Variants in NFIC observed in about 807,000 individuals in gnomAD.
NFIC encodes the protein nuclear factor I C.
Under a neutral mutation model 54.4 loss-of-function variants are expected in NFIC, and 12 were observed. The ratio of observed to expected loss-of-function variants is 0.22; its 90% CI spans 0.14 to 0.36. The LOEUF (loss-of-function observed/expected upper bound fraction) is 0.36, where lower values mean the gene tolerates loss of function less well. NFIC is among the 10% of genes least tolerant of loss of function. The pLI is 1.00. For synonymous variants in NFIC, 322 were observed against 319.2 expected (o/e 1.01, Z -0.09); for missense variants, 575 against 718.2 (o/e 0.80, Z 2.28).
In NFIC at chr19:3,449,138, C is replaced by G; in HGVS notation, c.1083C>G (p.Ser361Arg). The change falls in exon 7 of 11, where the codon AGC becomes AGG. Residue 361 changes from serine (S) to arginine (R), a missense_variant and splice_region_variant. Physicochemically the swap from Ser to Arg is moderately radical, Grantham distance 110. Coordinates refer to ENST00000443272, the MANE Select transcript of NFIC (RefSeq NM_001245002.2). The part of the protein sequence containing the change: ...QHHRPVIAVH[S>R]GIARSPHPSS... The stretch of plus-strand genomic sequence containing the variant: ...ACCGGCCCGTCATCGCCGTGCACAG[C>G]GGTAAGCGCCACGGGCCCCTGGCGG... 1 of 1,611,336 alleles carries G rather than the reference C, an allele frequency of 6.2e-7. No homozygotes were observed. The highest frequency in any genetic ancestry group is 1.1e-5 in the South Asian group (1 of 90,834).
chr19:3,455,806 C>T (rs545407983), intron 9 of NFIC, among the ~76,000 whole-genome samples: 1 of 152,240 alleles, frequency 6.6e-6, no homozygotes, highest in East Asian at 1.9e-4. Context: ...CAGTGCCTGG[C>T]ATACAGTACA....
At chr19:3,432,365 C>G (rs1235318837) in intron 3 of NFIC, among the ~76,000 whole-genome samples, 1 of 152,110 alleles carries the variant, frequency 6.6e-6, no homozygotes, top group Non-Finnish European at 1.5e-5. Flanking sequence ...AAGCTCTGGT[C>G]TAGGCACGAA....
intron 3 of NFIC, among the ~76,000 whole-genome samples, chr19:3,427,813 C>CA (rs35768795): frequency 0.06 from 4,621 of 76,568 alleles, 132 homozygotes; most frequent in Non-Finnish European, 0.077. Context: ...GAGACTCTGT[C>CA]AAAAAAAAAA....
rs966902268 is a variant in NFIC, at chr19:3,370,868, C to T, written c.30+4202C>T. 2.6e-5 allele frequency among the ~76,000 whole-genome samples: 4 copies of T among 152,048 alleles called. No homozygotes were observed. The highest frequency in any genetic ancestry group is 1.9e-4 in the East Asian group (1 of 5,194). On this transcript the variant is annotated intron_variant, in intron 1 of 10. Coordinates refer to ENST00000443272, the MANE Select transcript of NFIC (RefSeq NM_001245002.2). The surrounding 1 kb of genome is among the most constrained non-coding windows in gnomAD (Gnocchi z 5.2). Reference sequence around the variant, plus strand: ...CCCACTCTCCTGCCTGTGTCCACGCCGACCTCACCTGGGTGCCCATCTGCC... The same window carrying T: ...CCCACTCTCCTGCCTGTGTCCACGCTGACCTCACCTGGGTGCCCATCTGCC...
intron 2 of NFIC, among the ~76,000 whole-genome samples, chr19:3,401,247 G>A (rs2081550199): frequency 6.6e-6 from 1 of 152,210 alleles, no homozygotes; most frequent in South Asian, 2.1e-4. Context: ...GCCATAGAGG[G>A]CTATGGGCAG....
chr19:3,371,888 C>CTTCCTTCCTTCCTTCT (rs879780153), intron 1 of NFIC, among the ~76,000 whole-genome samples: 2,161 of 70,600 alleles, frequency 0.031, 137 homozygotes, highest in Non-Finnish European at 0.052. Context: ...TCTCTCCTTC[C>CTTCCTTCCTTCCTTCT]TTCCTTCCTT....
At chr19:3,393,459 C>T (rs976713284) in intron 2 of NFIC, among the ~76,000 whole-genome samples, 4 of 152,058 alleles carry the variant, frequency 2.6e-5, no homozygotes, top group African/African-American at 9.7e-5. Flanking sequence ...CCACTGGGGC[C>T]CTGACCACAC....
At chr19:3,436,470 A>AT (rs1341495362) in intron 6 of NFIC, among the ~76,000 whole-genome samples, 11 of 139,638 alleles carry the variant, frequency 7.9e-5, no homozygotes, top group Non-Finnish European at 1.6e-4. Flanking sequence ...GGCCCCTCTT[A>AT]TTTTTTTTTA....
At chr19:3,402,961 A>T (rs889361224) in intron 2 of NFIC, among the ~76,000 whole-genome samples, 1 of 151,614 alleles carries the variant, frequency 6.6e-6, no homozygotes, top group East Asian at 1.9e-4. Flanking sequence ...CACTTTGACT[A>T]CTCCCCCAAA....
rs2082699994 is a variant in NFIC, at chr19:3,465,145, C to T, written c.*2376C>T. ...TCCTCGCCCCCTCCACCCCCCACTTCCTCTTTAAAAAAAAAAAAAAAAAAA... is the reference window on the plus strand; with the variant it reads ...TCCTCGCCCCCTCCACCCCCCACTTTCTCTTTAAAAAAAAAAAAAAAAAAA... On this transcript the variant is annotated 3_prime_UTR_variant, in exon 11 of 11. Coordinates refer to ENST00000443272, the MANE Select transcript of NFIC (RefSeq NM_001245002.2). 1 of 120,130 alleles carries T rather than the reference C, an allele frequency of 8.3e-6. No individual in the cohort carries two copies. Among genetic ancestry groups the T allele is most frequent in the African/African-American group, 3.6e-5 (1 of 27,564 alleles). The allele number at this position is 120,130 out of a possible 1,614,324, so 7.4% of individuals were successfully genotyped here.
intron 4 of NFIC, 130 bp from the exon 5 acceptor site, chr19:3,434,147 T>C: frequency 7.1e-7 from 1 of 1,400,414 alleles, no homozygotes; most frequent in Non-Finnish European, 9.5e-7. Context: ...TCAGCCACCC[T>C]AGGAACCGGG....
At chr19:3,405,556 C>G (rs374532115) in intron 2 of NFIC, among the ~76,000 whole-genome samples, 3 of 151,922 alleles carry the variant, frequency 2.0e-5, no homozygotes. Flanking sequence ...GATCAGGGTC[C>G]GTACTGGAAT....
intron 2 of NFIC, among the ~76,000 whole-genome samples, chr19:3,398,644 T>C (rs995576998): frequency 4.6e-5 from 7 of 152,132 alleles, no homozygotes; most frequent in Admixed American, 6.5e-5. Context: ...ACCCGGGCTG[T>C]ACCCTGTGAC....
chr19:3,388,835 C>CA lies in NFIC; in HGVS notation c.562+6592_562+6593insA, dbSNP rs550767522. Reference sequence around the variant, plus strand: ...AAGGCAAGACCTTATCTCTAAAAACCGTTTTTTTTAAGGGGTGATTGAGGC... The same window carrying CA: ...AAGGCAAGACCTTATCTCTAAAAACCAGTTTTTTTTAAGGGGTGATTGAGGC... On this transcript the variant is annotated intron_variant, in intron 2 of 10. Transcript: ENST00000443272. 9.1e-5 allele frequency among the ~76,000 whole-genome samples: 7 copies of CA among 77,192 alleles called. No homozygotes were observed. The South Asian group carries it at 3.1e-3, about 34-fold the overall frequency. 50.6% of individuals were successfully genotyped at this position (77,192 alleles called of 152,430 possible).
In NFIC at chr19:3,361,386, C is replaced by T. The variant is rs547285594; in HGVS notation, c.3+1701C>T. On this transcript the variant is annotated intron_variant, in intron 1 of 9. Transcript: ENST00000395111. ...CTATGCTGGGGAGAGCGTAGGGGCA[C>T]CGGGACTGGTCCCGCAGTCCCGCCT... Among the ~76,000 whole-genome samples the T allele has an allele frequency of 6.6e-5, 10 of 152,256 alleles. No homozygotes were observed. In the South Asian group the frequency reaches 1.9e-3, roughly 28 times the overall value.
intron 2 of NFIC, among the ~76,000 whole-genome samples, chr19:3,385,384 T>G (rs1203011835): frequency 1.3e-5 from 2 of 151,992 alleles, no homozygotes; most frequent in Non-Finnish European, 2.9e-5. Context: ...ACTGGTTGCC[T>G]TGTGGGAAAT....
At chr19:3,376,487 C>T (rs1167121049) in intron 1 of NFIC, among the ~76,000 whole-genome samples, 1 of 147,222 alleles carries the variant, frequency 6.8e-6, no homozygotes, top group African/African-American at 2.5e-5. Flanking sequence ...TATCCCAGTG[C>T]CTTAGGAGGC....
rs980474133 is a variant in NFIC, at chr19:3,453,685, G to A, written c.1270-78G>A. 12 of 1,510,098 alleles carry A rather than the reference G, an allele frequency of 7.9e-6. No homozygotes were observed. The highest frequency in any genetic ancestry group is 2.6e-5 in the East Asian group (1 of 37,994). 93.5% of individuals were successfully genotyped at this position (1,510,098 alleles called of 1,614,324 possible). ...CCACCCCGTCCGGGCCGTGCACAGA[G>A]CCGGGGGCGGCCGGCGCCAGCAGCC... On this transcript the variant is annotated intron_variant, in intron 8 of 10. Transcript: ENST00000443272. The surrounding 1 kb of genome is among the most constrained non-coding windows in gnomAD (Gnocchi z 6.7).
In NFIC at chr19:3,449,428, A is replaced by G. The variant is rs369022921; in HGVS notation, c.1084+289A>G. On this transcript the variant is annotated intron_variant, in intron 7 of 10. Transcript: ENST00000443272. ...ACCCCCGTCTCAATCTAATCCCCCC[A>G]TTCCAACCCCAGACACTGATGGACA... Among the ~76,000 whole-genome samples the G allele has an allele frequency of 2.0e-4, 29 of 148,322 alleles. No homozygotes were observed. In the South Asian group the frequency reaches 6.4e-3, roughly 33 times the overall value.
Sources: gnomAD v4.1 joint callset for allele counts (sites outside exome capture counted in the v4.1 genomes callset) on GRCh38, gnomAD v4.1.1 for gene constraint, Gnocchi (gnomAD v3.1) non-coding constraint, MANE v1.5 for transcripts, NCBI Gene and HGNC (gene_info 2026-07-23, HGNC 2026-07-21) for gene names.